USP48: variants seen among roughly 807,000 people sequenced by gnomAD.
USP48 encodes ubiquitin specific peptidase 48.
USP48 carries 43 observed loss-of-function variants against 150.7 expected under a neutral mutation model. The ratio of observed to expected loss-of-function variants is 0.29; its 90% confidence interval spans 0.22 to 0.37. USP48 has a LOEUF of 0.37. Ranked by LOEUF, USP48 falls within the 10% of genes least tolerant of loss-of-function variation. USP48 has a pLI of 1.00. For synonymous variants in USP48, 396 were observed against 425.9 expected, an observed-to-expected ratio of 0.93 and a Z score of 0.86; for missense variants, 813 against 1,249.6, an observed-to-expected ratio of 0.65 and a Z score of 5.27.
In USP48 at chr1:21,767,254, C is replaced by T. The variant is rs1431423476; in HGVS notation, c.135-9471G>A. On this transcript the variant is annotated intron_variant, in intron 1 of 26. Transcript: ENST00000308271. The stretch of plus-strand genomic sequence containing the variant: ...GTAGAGATGGGGTTTAGCCTCATTG[C>T]GCAAGCTGGGCTAGAATTCCTTGAC... Among the ~76,000 whole-genome samples, 8 of 152,088 alleles carry T rather than the reference C, an allele frequency of 5.3e-5. No homozygotes were observed. The East Asian group carries it at 9.6e-4, about 18-fold the overall frequency.
At chr1:21,772,473 A>G (rs2097883881) in intron 1 of USP48, among the ~76,000 whole-genome samples, 1 of 151,856 alleles carries the variant, frequency 6.6e-6, no homozygotes, top group Admixed American at 6.6e-5. Context: ...AATGCAAAAA[A>G]TTAGCTGGGC....
At chr1:21,691,316 C>CAA (rs58202473) in intron 23 of USP48, among the ~76,000 whole-genome samples, 1,870 of 83,494 alleles carry the variant, frequency 0.022, 20 homozygotes, top group Middle Eastern at 0.045. Context: ...CTCCCATCTC[C>CAA]AAAAAAAAAA....
chr1:21,694,852 T>C (rs988701021), intron 23 of USP48, among the ~76,000 whole-genome samples: 2 of 152,252 alleles, frequency 1.3e-5, no homozygotes, highest in East Asian at 3.9e-4. Context: ...TCCCAGCGTT[T>C]CTCATTATTG....
intron 9 of USP48, among the ~76,000 whole-genome samples, chr1:21,733,506 A>C (rs2097761953): frequency 6.6e-6 from 1 of 152,252 alleles, no homozygotes. Context: ...TCAGGATACA[A>C]CATAATAATG....
intron 10 of USP48, 107 bp from the exon 11 acceptor site, chr1:21,728,826 A>G (rs1224412325): frequency 2.2e-6 from 3 of 1,339,600 alleles, no homozygotes; most frequent in African/African-American, 2.9e-5. Flanking sequence ...ATTGGCAGAA[A>G]TTCCAACTAT....
chr1:21,690,942 G>C (rs1015818583), intron 23 of USP48, among the ~76,000 whole-genome samples: 8 of 152,134 alleles, frequency 5.3e-5, no homozygotes, highest in Non-Finnish European at 2.9e-5. Flanking sequence ...CTTAGACTGA[G>C]TTTTGTCTCT....
chr1:21,771,108 A>G (rs1055240424), intron 1 of USP48, among the ~76,000 whole-genome samples: 2 of 152,168 alleles, frequency 1.3e-5, no homozygotes, highest in African/African-American at 4.8e-5. Context: ...CCTAGGTGAC[A>G]GAGCAAGACT....
At chr1:21,746,546 T>C (rs1448439452) in intron 8 of USP48, among the ~76,000 whole-genome samples, 1 of 152,194 alleles carries the variant, frequency 6.6e-6, no homozygotes, top group Non-Finnish European at 1.5e-5. Context: ...TCAACCTGTT[T>C]GGTAGGATGA....
chr1:21,706,138 C>T lies in USP48; in HGVS notation c.2261G>A (p.Arg754Gln), dbSNP rs781104436. 39 of 1,613,404 alleles carry T rather than the reference C, an allele frequency of 2.4e-5. No individual in the cohort carries two copies. The highest frequency in any genetic ancestry group is 3.1e-5 in the Non-Finnish European group (37 of 1,179,694). ...ATTTTGTTTCTACCTAACAAATTTC[C>T]GCCACTCTTCTACAAAGAACTGAGA... Reference protein sequence around the residue: ...IVSQFFVEEWRKFVRKPTRCS... With the variant: ...IVSQFFVEEWQKFVRKPTRCS... The change falls in exon 18 of 27, where the codon CGG becomes CAG. Residue 754 changes from arginine to glutamine, a missense_variant. Coordinates refer to ENST00000308271, the MANE Select transcript of USP48 (RefSeq NM_032236.8).
At chr1:21,738,139 C>T (rs142926537) in intron 8 of USP48, among the ~76,000 whole-genome samples, 2,218 of 151,946 alleles carry the variant, frequency 0.015, 53 homozygotes, top group African/African-American at 0.051. Flanking sequence ...CTCACTGCAA[C>T]CTCTGCTTCC....
At chr1:21,728,938 T>A (rs896391868) in intron 10 of USP48, among the ~76,000 whole-genome samples, 2 of 152,156 alleles carry the variant, frequency 1.3e-5, no homozygotes, top group African/African-American at 2.4e-5. Context: ...TAGCTCTCCA[T>A]GACATCATCA....
Position 21,706,746 on chromosome 1 carries a change from T to G in USP48, c.2086A>C (p.Lys696Gln). The G allele has an allele frequency of 6.2e-7, 1 of 1,612,114 alleles. No homozygotes were observed. ...PSYKECCSQC[K>Q]ILEREGEENE... ...CAGATGTCAGTAGCGTTCAGTACCT[T>G]GCACTGTGAACAGCACTCTTTGTAA... is the stretch of plus-strand genomic sequence containing the variant. Residue 696 changes from lysine (K) to glutamine (Q), a missense_variant and splice_region_variant, in exon 16 of 27, where the codon AAG (lysine) becomes CAG (glutamine). Lys to Gln is a moderately conservative substitution (Grantham distance 53). Transcript: ENST00000308271.
chr1:21,729,697 G>GCTTTA lies in USP48; in HGVS notation c.1300+2_1300+6dup, dbSNP rs753608595. ...TTGCCTGCTATAATCCTGGAAAACT[G>GCTTTA]CTTTACCTGGAACTTGAACAGTAGT... is the stretch of plus-strand genomic sequence containing the variant. On this transcript the variant is annotated splice_region_variant and intron_variant, in intron 10 of 26. Coordinates refer to ENST00000308271, the MANE Select transcript of USP48 (RefSeq NM_032236.8). The GCTTTA allele has an allele frequency of 4.3e-6, 7 of 1,612,562 alleles. No individual in the cohort carries two copies.
At chr1:21,682,740 T>C (rs1477485510) in intron 25 of USP48, among the ~76,000 whole-genome samples, 4 of 152,026 alleles carry the variant, frequency 2.6e-5, no homozygotes, top group Non-Finnish European at 5.9e-5. Flanking sequence ...CTGGGCATGG[T>C]GGCAGGCGCC....
At chr1:21,717,013 C>G (rs1006330635) in intron 14 of USP48, among the ~76,000 whole-genome samples, 18 of 151,258 alleles carry the variant, frequency 1.2e-4, no homozygotes, top group Non-Finnish European at 2.9e-5. Context: ...GAGACTCCGT[C>G]TCAAAAAAAA....
chr1:21,717,855 G>A (rs980023151), intron 14 of USP48, among the ~76,000 whole-genome samples: 1 of 152,156 alleles, frequency 6.6e-6, no homozygotes, highest in Non-Finnish European at 1.5e-5. Flanking sequence ...TCCGGAGGCT[G>A]AGCCCAGGAG....
intron 2 of USP48, chr1:21,757,013 A>G (rs1240708741): frequency 1.0e-6 from 1 of 984,484 alleles, no homozygotes; most frequent in Non-Finnish European, 1.2e-6. Flanking sequence ...GAACAAGCGT[A>G]TATAGGTTTT....
At chr1:21,700,285 G>A (rs2097651546) in intron 22 of USP48, among the ~76,000 whole-genome samples, 1 of 152,054 alleles carries the variant, frequency 6.6e-6, no homozygotes, top group Non-Finnish European at 1.5e-5. Flanking sequence ...GCTGATCACT[G>A]TCACAAACTG....
chr1:21,690,185 T>TAAA (rs11422483), intron 23 of USP48, 86 bp from the exon 24 acceptor site: 591 of 1,058,938 alleles, frequency 5.6e-4, no homozygotes, highest in African/African-American at 2.1e-3. Flanking sequence ...CATGGATTCT[T>TAAA]AAAAAAAAAA....
Sources: gnomAD v4.1 joint callset for allele counts (sites outside exome capture counted in the v4.1 genomes callset) on GRCh38, gnomAD v4.1.1 for gene constraint, MANE v1.5 for transcripts, NCBI Gene and HGNC (gene_info 2026-07-23, HGNC 2026-07-21) for gene names.